Variants in ADGRV1 observed in about 807,000 individuals in gnomAD.
ADGRV1 encodes the protein G-protein coupled receptor 98.
In ADGRV1, 359 loss-of-function variants were observed where a neutral mutation model predicts 596.2. The ratio of observed to expected loss-of-function variants is 0.60; its 90% CI spans 0.55 to 0.66. The LOEUF is 0.66. ADGRV1 is among the 30% of genes least tolerant of loss of function. The pLI, the probability that ADGRV1 is intolerant of heterozygous loss-of-function variation, is 0.00. For missense variants in ADGRV1, 7,274 were observed against 7,575.6 expected (o/e 0.96, Z 1.48); for synonymous variants, 2,681 against 2,679.2 (o/e 1.00, Z -0.02).
At chr5:91,032,155 A>C (rs1271377729) in intron 85 of ADGRV1, among the ~76,000 whole-genome samples, 1 of 152,172 alleles carries the variant, frequency 6.6e-6, no homozygotes, top group Non-Finnish European at 1.5e-5. Context: ...TGGTGGAGGG[A>C]ACAGCCAGTG....
At chr5:90,724,421 GT>G (rs1041465663) in intron 45 of ADGRV1, among the ~76,000 whole-genome samples, 1 of 151,940 alleles carries the variant, frequency 6.6e-6, no homozygotes, top group African/African-American at 2.4e-5. Context: ...GTAGAGAACG[GT>G]TTCACCATGT....
chr5:90,819,900 G>C (rs932994601), intron 75 of ADGRV1, among the ~76,000 whole-genome samples: 1 of 152,016 alleles, frequency 6.6e-6, no homozygotes, highest in African/African-American at 2.4e-5. Flanking sequence ...CTGTTGATTT[G>C]GGGTGGAGAG....
In ADGRV1 at chr5:90,844,167, A is replaced by T. The variant is rs115208648; in HGVS notation, c.17019+3182A>T. On this transcript the variant is annotated intron_variant, in intron 78 of 89. Coordinates refer to ENST00000405460, the MANE Select transcript of ADGRV1 (RefSeq NM_032119.4). The stretch of plus-strand genomic sequence containing the variant: ...AAACCATTTATATATGCCATATGAA[A>T]TTATATACACTCTAAAATAACCTCA... Among the ~76,000 whole-genome samples the T allele has an allele frequency of 8.0e-3, 1,215 of 152,322 alleles. 15 individuals are homozygous for T. Among genetic ancestry groups the T allele is most frequent in the African/African-American group, 0.028 (1,162 of 41,588 alleles).
chr5:90,970,562 A>AGCAATATTTGCTGGTCT (rs558401638), intron 84 of ADGRV1, among the ~76,000 whole-genome samples: 1 of 127,232 alleles, frequency 7.9e-6, no homozygotes, highest in Non-Finnish European at 1.6e-5. Flanking sequence ...TTTGCTGTTC[A>AGCAATATTTGCTGGTCT]GCAGCCTCTG....
In ADGRV1 at chr5:90,905,045, T is replaced by G. The variant is rs565456874; in HGVS notation, c.17856+41188T>G. Reference sequence around the variant, plus strand: ...GCCCCTTTGTTGAAAACAAGCTCACTGTAGGTGTGTGGATTTGTTTCTGGC... The same window carrying G: ...GCCCCTTTGTTGAAAACAAGCTCACGGTAGGTGTGTGGATTTGTTTCTGGC... On this transcript the variant is annotated intron_variant, in intron 83 of 89. Coordinates refer to ENST00000405460, the MANE Select transcript of ADGRV1 (RefSeq NM_032119.4). Among the ~76,000 whole-genome samples the G allele has an allele frequency of 3.9e-5, 6 of 152,234 alleles. No homozygotes were observed. In the South Asian group the frequency reaches 1.2e-3, roughly 32 times the overall value.
At chr5:90,589,835 A>G (rs1759241424) in intron 1 of ADGRV1, among the ~76,000 whole-genome samples, 1 of 152,168 alleles carries the variant, frequency 6.6e-6, no homozygotes, top group Non-Finnish European at 1.5e-5. Flanking sequence ...AATATATTCA[A>G]TGTAGAAACT....
intron 83 of ADGRV1, among the ~76,000 whole-genome samples, chr5:90,941,111 C>T (rs189619973): frequency 6.8e-6 from 1 of 147,036 alleles, no homozygotes; most frequent in East Asian, 2.0e-4. Context: ...TAGAGAATTT[C>T]TAAGATCATG....
At chr5:91,087,864 T>C (rs760253528) in intron 86 of ADGRV1, among the ~76,000 whole-genome samples, 2 of 152,224 alleles carry the variant, frequency 1.3e-5, no homozygotes, top group African/African-American at 4.8e-5. Flanking sequence ...TCAAGTAGCC[T>C]GGTTCCAGAG....
At chr5:90,622,803 C>CCTCCAGGCACCT in intron 5 of ADGRV1, 102 bp downstream of exon 5, 6 of 448,578 alleles carry the variant, frequency 1.3e-5, no homozygotes, top group Non-Finnish European at 2.3e-5. Context: ...TGCAGTGGTG[C>CCTCCAGGCACCT]GATCTCAGCT....
chr5:90,638,454 T>C (rs1476844084), intron 11 of ADGRV1, among the ~76,000 whole-genome samples: 2 of 152,050 alleles, frequency 1.3e-5, no homozygotes, highest in Non-Finnish European at 2.9e-5. Flanking sequence ...AATTAAGAGA[T>C]ACTTTTTCAG....
At chr5:90,818,088 C>G (rs551030205) in intron 75 of ADGRV1, among the ~76,000 whole-genome samples, 62 of 146,992 alleles carry the variant, frequency 4.2e-4, no homozygotes, top group Non-Finnish European at 6.7e-4. Context: ...CTTTTATTTC[C>G]TTGAGCAGTG....
intron 83 of ADGRV1, among the ~76,000 whole-genome samples, chr5:90,896,288 T>TA (rs375589725): frequency 7.0e-6 from 1 of 142,692 alleles, no homozygotes; most frequent in Non-Finnish European, 1.5e-5. Flanking sequence ...TTTTTTTTTT[T>TA]GAGACAGAGT....
At chr5:90,623,025 G>T (rs1394076209) in intron 5 of ADGRV1, among the ~76,000 whole-genome samples, 2 of 152,240 alleles carry the variant, frequency 1.3e-5, no homozygotes, top group Non-Finnish European at 1.5e-5. Flanking sequence ...ACAGGCGTGA[G>T]CCACTGCACC....
chr5:90,986,088 AATATATATATATATATATTATGC>A (rs1313361213), intron 85 of ADGRV1, among the ~76,000 whole-genome samples: 1 of 141,628 alleles, frequency 7.1e-6, no homozygotes, highest in Admixed American at 7.2e-5. Flanking sequence ...ATATATGCAT[AATATATATATATATATATTATGC>A]ATATATATAT....
chr5:90,789,590 A>C (rs996886752), intron 68 of ADGRV1, 112 bp from the exon 69 acceptor site: 1 of 653,384 alleles, frequency 1.5e-6, no homozygotes, highest in Admixed American at 3.2e-5. Context: ...TTCAAGTGTC[A>C]TTTTTATGTT....
Position 90,728,848 on chromosome 5 carries a change from G to A in ADGRV1, c.10341G>A (p.Glu3447=). Residue 3447 remains glutamate (E), a synonymous_variant, in exon 49 of 90, where the codon GAG becomes GAA. Coordinates refer to ENST00000405460, the MANE Select transcript of ADGRV1 (RefSeq NM_032119.4). Reference sequence around the variant, plus strand: ...GCAGTGGGTTTATTAACTTTCAAGAGGTGCCTGTCAGTGGGACAACAGAAG... The same window carrying A: ...GCAGTGGGTTTATTAACTTTCAAGAAGTGCCTGTCAGTGGGACAACAGAAG... ...WSGSGFINFQ[E]VPVSGTTEVE... is the part of the protein sequence containing the mutation. 6.2e-7 allele frequency: 1 copy of A among 1,613,766 alleles called. No homozygotes were observed. Among genetic ancestry groups the A allele is most frequent in the Non-Finnish European group, 8.5e-7 (1 of 1,179,800 alleles).
At position 90,678,161 on chromosome 5, in the gene ADGRV1, G is replaced by T. The variant is rs554800048; in HGVS notation, c.5444-1388G>T. 2.0e-5 allele frequency among the ~76,000 whole-genome samples: 3 copies of T among 152,222 alleles called. No individual in the cohort carries two copies. The South Asian group carries it at 6.2e-4, about 32-fold the overall frequency. The stretch of plus-strand genomic sequence containing the variant: ...TGGGTGCCATACATTCTCATGTCTG[G>T]TATATTCCCATCCTATTGACAGGCA... On this transcript the variant is annotated intron_variant, in intron 25 of 89. Transcript: ENST00000405460.
intron 70 of ADGRV1, among the ~76,000 whole-genome samples, chr5:90,798,128 A>G (rs1442187406): frequency 1.3e-5 from 2 of 152,200 alleles, no homozygotes; most frequent in African/African-American, 4.8e-5. Context: ...AAATCAATCA[A>G]TCCAGTAGCT....
At chr5:90,731,042 T>C (rs921700960) in intron 50 of ADGRV1, among the ~76,000 whole-genome samples, 3 of 152,184 alleles carry the variant, frequency 2.0e-5, no homozygotes, top group Non-Finnish European at 4.4e-5. Context: ...AATATTAAGA[T>C]ACTAATTCAA....
Sources: gnomAD v4.1 joint callset for allele counts (sites outside exome capture counted in the v4.1 genomes callset) on GRCh38, gnomAD v4.1.1 for gene constraint, MANE v1.5 for transcripts, NCBI Gene and HGNC (gene_info 2026-07-23, HGNC 2026-07-21) for gene names.